TMED1: variants seen among roughly 807,000 people sequenced by gnomAD.
TMED1 encodes transmembrane p24 trafficking protein 1, also known as transmembrane emp24 domain-containing protein 1.
Under a neutral mutation model 21.2 loss-of-function variants are expected in TMED1, and 20 were observed. The observed-to-expected ratio is 0.95, with a 90% confidence interval of 0.67 to 1.37. The LOEUF (loss-of-function observed/expected upper bound fraction) is 1.37. Ranked by LOEUF, TMED1 falls within the 40% of genes most tolerant of loss-of-function variation. The pLI is 0.00. For synonymous variants in TMED1, 149 were observed against 134.7 expected (o/e 1.11, Z -0.74); for missense variants, 316 against 309.8 (o/e 1.02, Z -0.15).
In TMED1 at chr19:10,832,418, C is replaced by T; in HGVS notation, c.*577G>A. ...GTCTGTCCTGGCTGGTGTCCCTGAG[C>T]CCCAATCAGCAGGCTCTTGTGATTT... On this transcript the variant is annotated 3_prime_UTR_variant, in exon 4 of 4. Coordinates refer to ENST00000214869, the MANE Select transcript of TMED1 (RefSeq NM_006858.4). 1 of 1,184,516 alleles carries T rather than the reference C, an allele frequency of 8.4e-7. No homozygotes were observed. Among genetic ancestry groups the T allele is most frequent in the South Asian group, 1.3e-5 (1 of 78,560 alleles). 73.4% of individuals were successfully genotyped at this position (1,184,516 alleles called of 1,614,324 possible).
chr19:10,832,861 T>G lies in TMED1; in HGVS notation c.*134A>C. ...CCCGCTGAGGACGGAAGGAGACTCA[T>G]GGGGCCAGACCGCAGGCCCTGACTG... On this transcript the variant is annotated 3_prime_UTR_variant, in exon 4 of 4. Transcript: ENST00000214869. The G allele has an allele frequency of 1.0e-6, 1 of 991,486 alleles. No individual in the cohort carries two copies. Among genetic ancestry groups the G allele is most frequent in the Non-Finnish European group, 1.5e-6 (1 of 671,628 alleles). 61.4% of individuals were successfully genotyped at this position (991,486 alleles called of 1,614,324 possible). A position where few individuals can be genotyped will look rare whatever the true frequency, so the allele number is the denominator to read the frequency against.
chr19:10,835,261 T>C lies in TMED1; in HGVS notation c.276A>G (p.Val92=). Residue 92 remains valine (V), a synonymous_variant, in exon 2 of 4, where the codon GTA becomes GTG. Transcript: ENST00000214869. ...LVSESRKADG[V]HTVEPTEAGD... ...GGCATCAAGACTGAACTCACGTGTG[T>C]ACCCCATCAGCCTTGCGGGACTCGC... is the stretch of plus-strand genomic sequence containing the variant. 6.2e-7 allele frequency: 1 copy of C among 1,614,110 alleles called. No individual in the cohort carries two copies. The highest frequency in any genetic ancestry group is 8.5e-7 in the Non-Finnish European group (1 of 1,180,020).
intron 3 of TMED1, 84 bp downstream of exon 3, chr19:10,834,850 G>A: frequency 6.8e-7 from 1 of 1,470,706 alleles, no homozygotes; most frequent in Non-Finnish European, 9.2e-7. Flanking sequence ...AACTACGGAG[G>A]GGAGGCTGGG....
chr19:10,835,733 C>T, intron 1 of TMED1: 1 of 1,409,770 alleles, frequency 7.1e-7, no homozygotes, highest in Non-Finnish European at 9.2e-7. Context: ...TCGCCACGCC[C>T]ACCAGCCAGA....
At chr19:10,835,593 G>A (rs2073418969) in intron 1 of TMED1, 3 of 1,420,432 alleles carry the variant, frequency 2.1e-6, no homozygotes, top group East Asian at 5.1e-5. Context: ...AGTACTTAAT[G>A]GACGTTTACC....
chr19:10,833,133 G>A lies in TMED1; in HGVS notation c.546C>T (p.Asp182=). 1 of 1,614,042 alleles carries A rather than the reference G, an allele frequency of 6.2e-7. No homozygotes were observed. Among genetic ancestry groups the A allele is most frequent in the East Asian group, 2.2e-5 (1 of 44,886 alleles). Residue 182 remains aspartate, a synonymous_variant, in exon 4 of 4, where the codon GAC becomes GAT. Transcript: ENST00000214869. ...LTLLRAFEAR[D]RNLQEGNLER... is the part of the protein sequence containing the mutation. ...CCAAGTTGCCCTCTTGCAGGTTGCG[G>A]TCACGTGCCTCGAAGGCCCGCAGTA...
intron 3 of TMED1, among the ~76,000 whole-genome samples, chr19:10,834,454 C>CTTTTT (rs769963664): frequency 2.5e-5 from 3 of 119,650 alleles, no homozygotes; most frequent in Non-Finnish European, 3.5e-5. Context: ...AAATGAACTA[C>CTTTTT]TTTTTTTTTT....
chr19:10,836,069 C>T lies in TMED1; in HGVS notation c.123G>A (p.Gly41=), dbSNP rs747255473. 9 of 1,598,054 alleles carry T rather than the reference C, an allele frequency of 5.6e-6. No homozygotes were observed. In the Admixed American group the frequency reaches 1.4e-4, roughly 24 times the overall value. ...CGGACTGGTAGAAACACTGCTTCCTCCCCGCCGGCAACAGGAACGTGAACT... is the reference window on the plus strand; with the variant it reads ...CGGACTGGTAGAAACACTGCTTCCTTCCCGCCGGCAACAGGAACGTGAACT... The part of the protein sequence containing the change: ...DGEFTFLLPA[G]RKQCFYQSAP... The change falls in exon 1 of 4, where the codon GGG becomes GGA. Residue 41 remains glycine (G), a synonymous_variant. Transcript: ENST00000214869.
At chr19:10,834,170 A>G (rs1182502107) in intron 3 of TMED1, among the ~76,000 whole-genome samples, 1 of 152,024 alleles carries the variant, frequency 6.6e-6, no homozygotes, top group Non-Finnish European at 1.5e-5. Flanking sequence ...AAATAAATAA[A>G]TAAGTAGTTA....
intron 3 of TMED1, among the ~76,000 whole-genome samples, chr19:10,833,658 G>A (rs2073390182): frequency 6.6e-6 from 1 of 152,068 alleles, no homozygotes; most frequent in African/African-American, 2.4e-5. Flanking sequence ...GGAGGCTGAA[G>A]CAAGATTACA....
Position 10,832,330 on chromosome 19 carries a change from G to T in TMED1, c.*665C>A, listed in dbSNP as rs930183839. On this transcript the variant is annotated 3_prime_UTR_variant, in exon 4 of 4. Transcript: ENST00000214869. The stretch of plus-strand genomic sequence containing the variant: ...CGACCACCTCCATCGGCTCCCGCAC[G>T]ACCTTTCTTCTGAGCTTCGTGGGAG... 1 of 1,289,780 alleles carries T rather than the reference G, an allele frequency of 7.8e-7. No homozygotes were observed. Among genetic ancestry groups the T allele is most frequent in the Non-Finnish European group, 1.0e-6 (1 of 988,886 alleles). 79.9% of individuals were successfully genotyped at this position (1,289,780 alleles called of 1,614,324 possible).
chr19:10,835,391 A>T (rs776365651), intron 1 of TMED1, 38 bp from the exon 2 acceptor site: 19 of 1,610,934 alleles, frequency 1.2e-5, no homozygotes, highest in Non-Finnish European at 1.4e-5. Context: ...GGCTAGCGGT[A>T]GGCCAAGGGC....
rs534809341 is a variant in TMED1 at position 10,835,974 on chromosome 19, T to C, written c.183+35A>G. 2.3e-5 allele frequency: 36 copies of C among 1,544,148 alleles called. No individual in the cohort carries two copies. The South Asian group carries it at 3.7e-4, about 16-fold the overall frequency. ...ACCGCTTGGCCACGCCCCCTCTCCC[T>C]GACTCTGCTGGCCGCCCAGCCCGCG... On this transcript the variant is annotated intron_variant, in intron 1 of 3. Transcript: ENST00000214869.
chr19:10,835,752 C>G, intron 1 of TMED1: 2 of 1,415,434 alleles, frequency 1.4e-6, no homozygotes, highest in Non-Finnish European at 1.8e-6. Context: ...GAGTCCTGTC[C>G]TCTCAGAGGC....
rs773154749 is a variant in TMED1 at position 10,835,159 on chromosome 19, C to T, written c.282-42G>A. The T allele has an allele frequency of 1.1e-5, 18 of 1,609,912 alleles. No individual in the cohort carries two copies. The East Asian group carries it at 2.0e-4, about 18-fold the overall frequency. ...ACAGACATGACCCAGGGTGGCCAGC[C>T]AGCCGACTCAGCGGGGCAGTCAGGG... On this transcript the variant is annotated intron_variant, in intron 2 of 3. Coordinates refer to ENST00000214869, the MANE Select transcript of TMED1 (RefSeq NM_006858.4).
intron 1 of TMED1, 144 bp downstream of exon 1, chr19:10,835,865 C>T (rs762166171): frequency 3.0e-5 from 43 of 1,420,590 alleles, no homozygotes; most frequent in Non-Finnish European, 3.5e-5. Flanking sequence ...GTCCCCGCCC[C>T]ATCTGTCCAT....
At position 10,832,892 on chromosome 19, in the gene TMED1, T is replaced by A. The variant is rs2073375308; in HGVS notation, c.*103A>T. 1 of 1,346,052 alleles carries A rather than the reference T, an allele frequency of 7.4e-7. No homozygotes were observed. Among genetic ancestry groups the A allele is most frequent in the African/African-American group, 1.4e-5 (1 of 69,860 alleles). The allele number at this position is 1,346,052 out of a possible 1,614,324, so 83.4% of individuals were successfully genotyped here. On this transcript the variant is annotated 3_prime_UTR_variant, in exon 4 of 4. Coordinates refer to ENST00000214869, the MANE Select transcript of TMED1 (RefSeq NM_006858.4). ...CAGACCGCAGGCCCTGACTGCACAC[T>A]CCCGTTTTGGCAGGAAACTAAAATT...
At position 10,833,195 on chromosome 19, in the gene TMED1, G is replaced by A. The variant is rs769405749; in HGVS notation, c.484C>T (p.Arg162Trp). Residue 162 changes from arginine (R) to tryptophan (W), a missense_variant, in exon 4 of 4, where the codon CGG (arginine) becomes TGG (tryptophan). Coordinates refer to ENST00000214869, the MANE Select transcript of TMED1 (RefSeq NM_006858.4). Reference protein sequence around the residue: ...EDIKESIETMRTRLERSIQML... With the variant: ...EDIKESIETMWTRLERSIQML... Reference sequence around the variant, plus strand: ...TGGATGCTGCGCTCCAGCCGGGTCCGCATGGTCTCAATGGACTCCTACAGG... The same window carrying A: ...TGGATGCTGCGCTCCAGCCGGGTCCACATGGTCTCAATGGACTCCTACAGG... 57 of 1,612,768 alleles carry A rather than the reference G, an allele frequency of 3.5e-5. No individual in the cohort carries two copies. In the South Asian group the frequency reaches 4.0e-4, roughly 11 times the overall value.
At chr19:10,835,769 T>TACTTATCG in intron 1 of TMED1, 1 of 1,416,534 alleles carries the variant, frequency 7.1e-7, no homozygotes, top group Non-Finnish European at 9.2e-7. Context: ...AGGCTCCCTA[T>TACTTATCG]ACTTATCGAT....
Sources: allele counts gnomAD v4.1 joint callset (sites outside exome capture counted in the v4.1 genomes callset), GRCh38; gene constraint gnomAD v4.1.1; transcripts MANE v1.5; gene names NCBI Gene and HGNC (gene_info 2026-07-23, HGNC 2026-07-21).